Variants in OSBPL8 observed in about 807,000 individuals in gnomAD.
OSBPL8 encodes oxysterol binding protein like 8.
In OSBPL8, 59 loss-of-function variants were observed where a neutral mutation model predicts 125.5. The ratio of observed to expected loss-of-function variants is 0.47; its 90% CI spans 0.38 to 0.58. The LOEUF is 0.58. Among genes scored for constraint, OSBPL8 ranks in the 20% least tolerant of loss-of-function variants. The pLI is 0.00. For missense variants in OSBPL8, 758 were observed against 1,047.8 expected, an observed-to-expected ratio of 0.72 and a Z score of 3.82; for synonymous variants, 330 against 338.9, an observed-to-expected ratio of 0.97 and a Z score of 0.29.
intron 4 of OSBPL8, among the ~76,000 whole-genome samples, chr12:76,439,669 G>T (rs1207918568): frequency 6.6e-6 from 1 of 151,854 alleles, no homozygotes; most frequent in Non-Finnish European, 1.5e-5. Flanking sequence ...TACTAATTAG[G>T]TTACTTTAAA....
At chr12:76,471,813 C>T (rs933449936) in intron 2 of OSBPL8, among the ~76,000 whole-genome samples, 2 of 152,344 alleles carry the variant, frequency 1.3e-5, no homozygotes, top group African/African-American at 2.4e-5. Flanking sequence ...TTCAAACATA[C>T]CATGTTGTTG....
At chr12:76,379,565 A>C (rs932849858) in intron 15 of OSBPL8, among the ~76,000 whole-genome samples, 1 of 152,214 alleles carries the variant, frequency 6.6e-6, no homozygotes, top group East Asian at 1.9e-4. Context: ...CCAATGGTGC[A>C]TTTTAAATCA....
intron 1 of OSBPL8, among the ~76,000 whole-genome samples, chr12:76,503,540 G>GT (rs952951445): frequency 2.1e-4 from 32 of 151,660 alleles, no homozygotes; most frequent in East Asian, 5.8e-4. Flanking sequence ...TAACAAGTAT[G>GT]TTTTTTTTTA....
At chr12:76,419,223 G>A (rs984152493) in intron 4 of OSBPL8, among the ~76,000 whole-genome samples, 1 of 152,028 alleles carries the variant, frequency 6.6e-6, no homozygotes, top group Non-Finnish European at 1.5e-5. Flanking sequence ...GAGACAGAGC[G>A]AGACTCCATC....
intron 9 of OSBPL8, among the ~76,000 whole-genome samples, chr12:76,394,347 ATCTT>A (rs1953704022): frequency 6.6e-6 from 1 of 152,152 alleles, no homozygotes; most frequent in Non-Finnish European, 1.5e-5. Context: ...TATTAAATAT[ATCTT>A]TAAGAGTACC....
intron 15 of OSBPL8, among the ~76,000 whole-genome samples, chr12:76,381,204 T>C (rs1565844217): frequency 6.6e-6 from 1 of 151,632 alleles, no homozygotes. Flanking sequence ...CTGTAGTTTA[T>C]TTTCTTGTAA....
chr12:76,463,614 C>T (rs1875012311), intron 2 of OSBPL8, among the ~76,000 whole-genome samples: 2 of 152,066 alleles, frequency 1.3e-5, no homozygotes, highest in African/African-American at 2.4e-5. Context: ...CCTAGAAAAA[C>T]ATATATTATA....
At chr12:76,552,916 AG>A (rs1950985337) in intron 1 of OSBPL8, among the ~76,000 whole-genome samples, 1 of 152,234 alleles carries the variant, frequency 6.6e-6, no homozygotes, top group African/African-American at 2.4e-5. Flanking sequence ...AAAACAGCCT[AG>A]AACTATTACA....
chr12:76,433,412 TA>T (rs1160294856), intron 4 of OSBPL8, among the ~76,000 whole-genome samples: 1 of 151,792 alleles, frequency 6.6e-6, no homozygotes, highest in Non-Finnish European at 1.5e-5. Flanking sequence ...TTTCTATACA[TA>T]ATGAGCTACT....
intron 4 of OSBPL8, among the ~76,000 whole-genome samples, chr12:76,415,393 G>A (rs1868510116): frequency 1.3e-5 from 2 of 151,760 alleles, no homozygotes; most frequent in Non-Finnish European, 1.5e-5. Context: ...GATTACAGGT[G>A]CATGCCACCA....
intron 4 of OSBPL8, among the ~76,000 whole-genome samples, chr12:76,419,245 A>G (rs1442659269): frequency 6.6e-6 from 1 of 152,154 alleles, no homozygotes; most frequent in Non-Finnish European, 1.5e-5. Flanking sequence ...CAAAACAAAA[A>G]CAAGAACAAA....
At chr12:76,473,387 G>T (rs1876412139) in intron 2 of OSBPL8, among the ~76,000 whole-genome samples, 1 of 152,088 alleles carries the variant, frequency 6.6e-6, no homozygotes, top group Non-Finnish European at 1.5e-5. Context: ...CACTACCATA[G>T]AAGTTTTAAT....
intron 1 of OSBPL8, among the ~76,000 whole-genome samples, chr12:76,535,322 A>C (rs966481617): frequency 6.6e-6 from 1 of 152,194 alleles, no homozygotes; most frequent in African/African-American, 2.4e-5. Context: ...ATTTACAAAA[A>C]AAAATACAAA....
chr12:76,533,724 A>T (rs765900424), intron 1 of OSBPL8, among the ~76,000 whole-genome samples: 11 of 152,240 alleles, frequency 7.2e-5, no homozygotes, highest in Non-Finnish European at 1.3e-4. Flanking sequence ...TATCAAGTGC[A>T]AAGCTTAGAA....
intron 8 of OSBPL8, among the ~76,000 whole-genome samples, chr12:76,396,743 C>A (rs1953822991): frequency 6.6e-6 from 1 of 151,952 alleles, no homozygotes; most frequent in East Asian, 2.0e-4. Context: ...GACAGTAAAA[C>A]CTTGCCTAAA....
chr12:76,452,646 A>G (rs771554145), intron 3 of OSBPL8, among the ~76,000 whole-genome samples: 19 of 152,224 alleles, frequency 1.2e-4, no homozygotes, highest in Non-Finnish European at 1.6e-4. Context: ...TCCAGTATGC[A>G]GAAATATCCT....
chr12:76,531,107 T>C (rs146726097), intron 1 of OSBPL8, among the ~76,000 whole-genome samples: 2 of 152,238 alleles, frequency 1.3e-5, no homozygotes, highest in African/African-American at 4.8e-5. Flanking sequence ...CTCAGGAAAC[T>C]TACAATCATG....
At chr12:76,485,021 A>C (rs1458260251) in intron 2 of OSBPL8, among the ~76,000 whole-genome samples, 1 of 151,996 alleles carries the variant, frequency 6.6e-6, no homozygotes, top group Non-Finnish European at 1.5e-5. Flanking sequence ...CCCAGGTTCA[A>C]GCAATTCTCC....
At chr12:76,499,343 TATCTATC>T (rs1217780648) in intron 1 of OSBPL8, among the ~76,000 whole-genome samples, 11 of 116,830 alleles carry the variant, frequency 9.4e-5, no homozygotes, top group South Asian at 7.5e-4. Flanking sequence ...TCTATCTATC[TATCTATC>T]ATCTATCTAT....
Sources: allele counts gnomAD v4.1 joint callset (sites outside exome capture counted in the v4.1 genomes callset), GRCh38; gene constraint gnomAD v4.1.1; transcripts MANE v1.5; gene names NCBI Gene and HGNC (gene_info 2026-07-23, HGNC 2026-07-21).